The following FRMPD2 variants were observed in gnomAD, a reference collection of about 807,000 sequenced individuals.
FRMPD2 encodes FERM and PDZ domain-containing protein 2.
In FRMPD2, 96 loss-of-function variants were observed where a neutral mutation model predicts 140.1. The ratio of observed to expected loss-of-function variants is 0.69; its 90% confidence interval spans 0.58 to 0.81. The LOEUF (loss-of-function observed/expected upper bound fraction) is 0.81, where lower values mean the gene tolerates loss of function less well. FRMPD2 is among the 40% of genes least tolerant of loss of function. The probability of loss-of-function intolerance (pLI) is 0.00; values close to 1 mark genes in which losing one functional copy is unlikely to be tolerated. For missense variants in FRMPD2, 1,240 were observed against 1,447.4 expected, an observed-to-expected ratio of 0.86 and a Z score of 2.32; for synonymous variants, 449 against 547.6, an observed-to-expected ratio of 0.82 and a Z score of 2.52.
At chr10:48,225,444 C>A (rs533413100) in intron 10 of FRMPD2, among the ~76,000 whole-genome samples, 2 of 152,320 alleles carry the variant, frequency 1.3e-5, no homozygotes, top group East Asian at 1.9e-4. Context: ...AGAACACTTG[C>A]CTGACACTCT....
intron 20 of FRMPD2, among the ~76,000 whole-genome samples, chr10:48,182,715 A>C (rs920298695): frequency 6.6e-6 from 1 of 152,208 alleles, no homozygotes; most frequent in African/African-American, 2.4e-5. Flanking sequence ...TGGAATTCTA[A>C]TGTGAGGTTG....
intron 10 of FRMPD2, among the ~76,000 whole-genome samples, chr10:48,231,338 C>T (rs760351488): frequency 2.0e-5 from 3 of 152,136 alleles, no homozygotes; most frequent in Non-Finnish European, 4.4e-5. Flanking sequence ...CCACAGCTTG[C>T]TACATGAGTC....
chr10:48,251,559 C>A lies in FRMPD2; in HGVS notation c.151+7G>T, dbSNP rs1840382260. On this transcript the variant is annotated splice_region_variant and intron_variant, in intron 2 of 28. Coordinates refer to ENST00000374201, the MANE Select transcript of FRMPD2 (RefSeq NM_001018071.4). ...TGTGATTTGACTGCCCCCAAACACT[C>A]TCTTACCGTTGCGGAGGTCTTCCAG... 3 of 1,601,422 alleles carry A rather than the reference C, an allele frequency of 1.9e-6. No homozygotes were observed. The highest frequency in any genetic ancestry group is 2.5e-6 in the Non-Finnish European group (3 of 1,179,904).
chr10:48,222,974 A>G, intron 11 of FRMPD2, 149 bp downstream of exon 11: 1 of 686,414 alleles, frequency 1.5e-6, no homozygotes, highest in Non-Finnish European at 2.4e-6. Flanking sequence ...CTTGATCAGA[A>G]TCCAATCAAC....
At chr10:48,181,843 G>T (rs1468268988) in intron 20 of FRMPD2, among the ~76,000 whole-genome samples, 1 of 64,126 alleles carries the variant, frequency 1.6e-5, no homozygotes, top group Non-Finnish European at 3.4e-5. Flanking sequence ...ATATATGAAA[G>T]AATATATATT....
Position 48,222,325 on chromosome 10 carries a change from A to C in FRMPD2, c.1443T>G (p.Asn481Lys), listed in dbSNP as rs774464576. The C allele has an allele frequency of 1.2e-6, 2 of 1,614,042 alleles. No individual in the cohort carries two copies. The highest frequency in any genetic ancestry group is 1.7e-6 in the Non-Finnish European group (2 of 1,179,954). Residue 481 changes from asparagine (N) to lysine (K), a missense_variant, in exon 12 of 29, where the codon AAT becomes AAG. By Grantham distance (94) the Asn-to-Lys change is moderately conservative. Coordinates refer to ENST00000374201, the MANE Select transcript of FRMPD2 (RefSeq NM_001018071.4). ...TGTTCACCCCTACCTCCTTAGGGTAATTGCCAAACTCAGCCTGCAAGGCAA... is the reference window on the plus strand; with the variant it reads ...TGTTCACCCCTACCTCCTTAGGGTACTTGCCAAACTCAGCCTGCAAGGCAA... The part of the protein sequence containing the change: ...GVLALQAEFG[N>K]YPKEQVESKP...
chr10:48,192,368 G>A (rs944456061), intron 16 of FRMPD2, among the ~76,000 whole-genome samples: 1 of 152,084 alleles, frequency 6.6e-6, no homozygotes, highest in Non-Finnish European at 1.5e-5. Context: ...GATCACCTGA[G>A]GTCTGGACCT....
At chr10:48,191,542 C>T (rs974453904) in intron 16 of FRMPD2, among the ~76,000 whole-genome samples, 11 of 152,272 alleles carry the variant, frequency 7.2e-5, no homozygotes, top group Admixed American at 2.0e-4. Flanking sequence ...TGGTGCACGG[C>T]AATGTACATT....
intron 16 of FRMPD2, among the ~76,000 whole-genome samples, chr10:48,191,883 G>C (rs536942763): frequency 6.6e-6 from 1 of 152,296 alleles, no homozygotes; most frequent in Admixed American, 6.5e-5. Context: ...AATAGGAAAG[G>C]TAGCGTGGTG....
At chr10:48,182,577 A>T (rs541526336) in intron 20 of FRMPD2, among the ~76,000 whole-genome samples, 107 of 152,298 alleles carry the variant, frequency 7.0e-4, no homozygotes, top group African/African-American at 2.5e-3. Flanking sequence ...CCAAGGAAAC[A>T]TCTTCCTCTG....
chr10:48,187,787 G>A (rs140676890), intron 16 of FRMPD2, among the ~76,000 whole-genome samples: 12 of 152,280 alleles, frequency 7.9e-5, no homozygotes, highest in African/African-American at 2.4e-4. Flanking sequence ...CCACATGCTC[G>A]AGAGCTGCAC....
At chr10:48,175,391 G>A (rs1838381659) in intron 23 of FRMPD2, among the ~76,000 whole-genome samples, 1 of 151,992 alleles carries the variant, frequency 6.6e-6, no homozygotes, top group African/African-American at 2.4e-5. Flanking sequence ...TAAGATCCTA[G>A]GTTCCCCTTT....
intron 28 of FRMPD2, among the ~76,000 whole-genome samples, chr10:48,158,235 G>A (rs1436150371): frequency 6.7e-6 from 1 of 148,244 alleles, no homozygotes; most frequent in South Asian, 2.1e-4. Flanking sequence ...GGGACTTGGT[G>A]GTCCCAAGGG....
intron 12 of FRMPD2, among the ~76,000 whole-genome samples, chr10:48,219,334 T>C (rs76284684): frequency 0.014 from 2,140 of 152,214 alleles, 48 homozygotes; most frequent in African/African-American, 0.047. Flanking sequence ...ACCCAGCTTT[T>C]GTCACATGAC....
intron 2 of FRMPD2, 45 bp from the exon 3 acceptor site, chr10:48,249,223 C>T (rs772590662): frequency 6.3e-7 from 1 of 1,595,944 alleles, no homozygotes; most frequent in African/African-American, 1.3e-5. Flanking sequence ...GAGCTTCCAT[C>T]TGGGGTGCCA....
chr10:48,228,398 A>G (rs1390363930), intron 10 of FRMPD2, among the ~76,000 whole-genome samples: 2 of 151,862 alleles, frequency 1.3e-5, no homozygotes, highest in Non-Finnish European at 2.9e-5. Flanking sequence ...GAAATGATGA[A>G]TATTCATTTA....
rs1055526524 is a variant in FRMPD2 at position 48,216,923 on chromosome 10, G to A, written c.1456-4814C>T. 2.6e-5 allele frequency among the ~76,000 whole-genome samples: 4 copies of A among 152,146 alleles called. No homozygotes were observed. In the East Asian group the frequency reaches 7.7e-4, roughly 29 times the overall value. On this transcript the variant is annotated intron_variant, in intron 12 of 28. Transcript: ENST00000374201. ...GGCCTAGGCATGAAAAGGGCCCCAG[G>A]CCTGGGTACTGAGGGCAGGAAGGAG...
chr10:48,181,320 T>C (rs572686981), intron 20 of FRMPD2, among the ~76,000 whole-genome samples: 1,004 of 152,348 alleles, frequency 6.6e-3, no homozygotes, highest in Admixed American at 0.01. Flanking sequence ...GATATACATA[T>C]AGGAAGATAT....
intron 15 of FRMPD2, chr10:48,199,584 A>G (rs1217266339): frequency 6.6e-6 from 1 of 152,208 alleles, no homozygotes; most frequent in Non-Finnish European, 1.5e-5. Flanking sequence ...TCTCTAGATT[A>G]TGTGTATTGC....
Sources: allele counts gnomAD v4.1 joint callset (sites outside exome capture counted in the v4.1 genomes callset), GRCh38; gene constraint gnomAD v4.1.1; transcripts MANE v1.5; gene names NCBI Gene and HGNC (gene_info 2026-07-23, HGNC 2026-07-21).